Variants in ROBO1 observed in about 807,000 individuals in gnomAD.
ROBO1 encodes roundabout homolog 1.
A neutral mutation model predicts 195.9 loss-of-function variants in ROBO1; 149 were observed. The observed-to-expected ratio is 0.76, with a 90% confidence interval of 0.67 to 0.87. The LOEUF is 0.87. Ranked by LOEUF, ROBO1 falls within the 40% of genes least tolerant of loss-of-function variation. The probability of loss-of-function intolerance (pLI) is 0.00; values close to 1 mark genes in which losing one functional copy is unlikely to be tolerated. For synonymous variants in ROBO1, 816 were observed against 733.2 expected (o/e 1.11, Z -1.82); for missense variants, 1,933 against 2,068.3 (o/e 0.93, Z 1.27).
intron 2 of ROBO1, among the ~76,000 whole-genome samples, chr3:79,199,853 TAA>T (rs1416444562): frequency 6.6e-6 from 1 of 151,774 alleles, no homozygotes; most frequent in Non-Finnish European, 1.5e-5. Flanking sequence ...ATGGCGATGG[TAA>T]AGTGTTCTTG....
intron 4 of ROBO1, among the ~76,000 whole-genome samples, chr3:78,785,868 C>G (rs2083818755): frequency 6.6e-6 from 1 of 152,096 alleles, no homozygotes; most frequent in Non-Finnish European, 1.5e-5. Flanking sequence ...ATTTAGCTTT[C>G]TTCTTAGCTC....
At chr3:79,764,890 G>A (rs1034269375) in intron 1 of ROBO1, among the ~76,000 whole-genome samples, 2 of 152,180 alleles carry the variant, frequency 1.3e-5, no homozygotes, top group African/African-American at 4.8e-5. Flanking sequence ...TATAGGGTAA[G>A]AGAAAGTTGG....
chr3:78,958,923 C>T (rs1247717255), intron 3 of ROBO1, among the ~76,000 whole-genome samples: 2 of 150,760 alleles, frequency 1.3e-5, no homozygotes, highest in African/African-American at 2.4e-5. Context: ...CTCCCAGGCT[C>T]AAGTGATCCT....
chr3:79,158,840 T>C (rs1457209578), intron 2 of ROBO1, among the ~76,000 whole-genome samples: 1 of 151,930 alleles, frequency 6.6e-6, no homozygotes, highest in East Asian at 1.9e-4. Context: ...TCTTCTGATA[T>C]TCTACTATGT....
chr3:78,746,608 A>T, intron 5 of ROBO1, 135 bp downstream of exon 5: 4 of 643,840 alleles, frequency 6.2e-6, no homozygotes, highest in Non-Finnish European at 9.3e-6. Flanking sequence ...TATATTTTTT[A>T]AAAGAAAAGC....
intron 2 of ROBO1, among the ~76,000 whole-genome samples, chr3:79,586,446 G>C (rs1381143034): frequency 3.3e-5 from 5 of 151,760 alleles, no homozygotes; most frequent in Non-Finnish European, 5.9e-5. Flanking sequence ...ATGAGTCAGG[G>C]ACAAGGAAAT....
At chr3:79,544,056 A>G (rs1434532804) in intron 2 of ROBO1, among the ~76,000 whole-genome samples, 1 of 152,102 alleles carries the variant, frequency 6.6e-6, no homozygotes, top group African/African-American at 2.4e-5. Context: ...GATTTTTAAT[A>G]CAGTACAATA....
At chr3:79,008,004 C>T (rs2108185668) in intron 3 of ROBO1, among the ~76,000 whole-genome samples, 1 of 152,280 alleles carries the variant, frequency 6.6e-6, no homozygotes, top group East Asian at 1.9e-4. Flanking sequence ...GCAGATTTTT[C>T]AGATCACCAC....
At chr3:79,329,287 T>G (rs2034337624) in intron 2 of ROBO1, among the ~76,000 whole-genome samples, 1 of 152,178 alleles carries the variant, frequency 6.6e-6, no homozygotes, top group Non-Finnish European at 1.5e-5. Flanking sequence ...CAATTGTTCC[T>G]AGTTCTCTCA....
At chr3:78,929,679 T>G (rs1490473686) in intron 4 of ROBO1, among the ~76,000 whole-genome samples, 8 of 151,608 alleles carry the variant, frequency 5.3e-5, no homozygotes, top group Admixed American at 5.3e-4. Flanking sequence ...ATTTTTGTAT[T>G]TTTTTGTAGA....
chr3:79,059,559 C>T (rs1374623619), intron 3 of ROBO1, among the ~76,000 whole-genome samples: 3 of 151,976 alleles, frequency 2.0e-5, no homozygotes, highest in Non-Finnish European at 2.9e-5. Flanking sequence ...CCGGCTGAAG[C>T]CATGGCAGAA....
intron 3 of ROBO1, among the ~76,000 whole-genome samples, chr3:79,031,722 G>A (rs963315571): frequency 6.7e-6 from 1 of 148,572 alleles, no homozygotes; most frequent in Middle Eastern, 3.4e-3. Context: ...AACATTAATT[G>A]ATTATTATTA....
In ROBO1 at chr3:78,688,647, C is replaced by T; in HGVS notation, c.1170+1G>A. 1 of 1,588,512 alleles carries T rather than the reference C, an allele frequency of 6.3e-7. No homozygotes were observed. Among genetic ancestry groups the T allele is most frequent in the Non-Finnish European group, 8.6e-7 (1 of 1,168,852 alleles). On this transcript the variant is annotated splice_donor_variant, in intron 9 of 30. Transcript: ENST00000464233. LOFTEE classifies it high-confidence loss of function. ...AAAAAAAAGTTAGAAAAAGGTGGTA[C>T]CTGACTCCCTTCTCTCCTCCAGAAA...
chr3:79,107,361 G>A (rs534588830), intron 3 of ROBO1, among the ~76,000 whole-genome samples: 2 of 151,782 alleles, frequency 1.3e-5, no homozygotes, highest in South Asian at 4.1e-4. Flanking sequence ...CTGATAAATT[G>A]TGTTAAAATT....
intron 10 of ROBO1, among the ~76,000 whole-genome samples, chr3:78,678,646 A>G (rs1286615693): frequency 6.6e-6 from 1 of 152,186 alleles, no homozygotes; most frequent in African/African-American, 2.4e-5. Flanking sequence ...CTCTCTGAAT[A>G]GACCAATAAC....
At chr3:79,394,788 G>A (rs2037079230) in intron 2 of ROBO1, among the ~76,000 whole-genome samples, 1 of 152,090 alleles carries the variant, frequency 6.6e-6, no homozygotes, top group Non-Finnish European at 1.5e-5. Context: ...ACTAGTGAGT[G>A]TTAAAACAAA....
At chr3:78,701,728 CCTAT>C (rs563963642) in intron 8 of ROBO1, among the ~76,000 whole-genome samples, 81 of 152,238 alleles carry the variant, frequency 5.3e-4, no homozygotes, top group East Asian at 1.9e-3. Flanking sequence ...TGTAAAACGG[CCTAT>C]CTATCAGGTT....
chr3:78,740,394 T>A (rs1373534382), intron 5 of ROBO1, among the ~76,000 whole-genome samples: 4 of 151,588 alleles, frequency 2.6e-5, no homozygotes, highest in Non-Finnish European at 4.4e-5. Context: ...TAAATTTAAA[T>A]AATTTTTATT....
intron 3 of ROBO1, among the ~76,000 whole-genome samples, chr3:79,069,680 C>G (rs1316538554): frequency 6.6e-6 from 1 of 151,900 alleles, no homozygotes; most frequent in Non-Finnish European, 1.5e-5. Context: ...AACTCTGCCT[C>G]CAGTCTGTGC....
Sources: allele counts gnomAD v4.1 joint callset (sites outside exome capture counted in the v4.1 genomes callset), GRCh38; gene constraint gnomAD v4.1.1; transcripts MANE v1.5; gene names NCBI Gene and HGNC (gene_info 2026-07-23, HGNC 2026-07-21).